Variants in COL27A1 observed in about 807,000 individuals in gnomAD.
COL27A1 encodes collagen type XXVII alpha 1 chain.
In COL27A1, 106 loss-of-function variants were observed where a neutral mutation model predicts 251.3. That is an observed-to-expected ratio of 0.42 (90% CI 0.36 to 0.50). COL27A1 has a LOEUF of 0.50. Ranked by LOEUF, COL27A1 falls within the 20% of genes least tolerant of loss-of-function variation. The pLI is 0.00. For missense variants in COL27A1, 2,325 were observed against 2,522.8 expected (o/e 0.92, Z 1.68); for synonymous variants, 1,000 against 986.3 (o/e 1.01, Z -0.26).
chr9:114,283,396 T>C (rs1237326397), intron 39 of COL27A1, among the ~76,000 whole-genome samples: 1 of 152,236 alleles, frequency 6.6e-6, no homozygotes, highest in Non-Finnish European at 1.5e-5. Context: ...ATAACATTAA[T>C]TTAACTGTAA....
chr9:114,194,341 G>C, intron 5 of COL27A1, 63 bp from the exon 6 acceptor site: 12 of 1,515,208 alleles, frequency 7.9e-6, no homozygotes, highest in Non-Finnish European at 1.1e-5. Flanking sequence ...AGCAGAGTTT[G>C]TGGGGAGGCA....
At position 114,311,272 on chromosome 9, in the gene COL27A1, C is replaced by G. The variant is rs533496892; in HGVS notation, c.*577C>G. 4 of 151,238 alleles carry G rather than the reference C, an allele frequency of 2.6e-5. No homozygotes were observed. Among genetic ancestry groups the G allele is most frequent in the Middle Eastern group, 3.4e-3 (1 of 294 alleles). The allele number at this position is 151,238 out of a possible 1,614,324, so 9.4% of individuals were successfully genotyped here. On this transcript the variant is annotated 3_prime_UTR_variant, in exon 61 of 61. Coordinates refer to ENST00000356083, the MANE Select transcript of COL27A1 (RefSeq NM_032888.4). ...GAGATCCTCGGGCTGGGGGTGCCCACGTTTGCTACCTCCCACTGTGAAATC... is the reference window on the plus strand; with the variant it reads ...GAGATCCTCGGGCTGGGGGTGCCCAGGTTTGCTACCTCCCACTGTGAAATC...
intron 3 of COL27A1, among the ~76,000 whole-genome samples, chr9:114,177,369 T>C (rs1827552854): frequency 6.6e-6 from 1 of 152,140 alleles, no homozygotes; most frequent in Non-Finnish European, 1.5e-5. Context: ...TGGGGAGCCC[T>C]TAAATGTTGT....
chr9:114,163,787 T>C (rs764276055), intron 2 of COL27A1, among the ~76,000 whole-genome samples: 16 of 151,666 alleles, frequency 1.1e-4, no homozygotes, highest in Non-Finnish European at 1.6e-4. Context: ...AATGTCATAT[T>C]TTCCAAGCTT....
At chr9:114,160,256 G>T (rs1000452116) in intron 1 of COL27A1, among the ~76,000 whole-genome samples, 1 of 151,460 alleles carries the variant, frequency 6.6e-6, no homozygotes, top group African/African-American at 2.4e-5. Flanking sequence ...CTGGGTTCAC[G>T]CCATTCTCCT....
At chr9:114,181,324 C>T (rs1442315372) in intron 4 of COL27A1, among the ~76,000 whole-genome samples, 1 of 152,134 alleles carries the variant, frequency 6.6e-6, no homozygotes, top group Non-Finnish European at 1.5e-5. Context: ...GAGAAACTCC[C>T]CAGGCTCAGT....
intron 7 of COL27A1, among the ~76,000 whole-genome samples, chr9:114,201,715 T>C (rs1030886529): frequency 6.6e-6 from 1 of 152,038 alleles, no homozygotes; most frequent in Non-Finnish European, 1.5e-5. Context: ...AACTAATGGT[T>C]TGGGGCTCTT....
rs191563677 is a variant in COL27A1, at chr9:114,223,012, C to T, written c.2466+745C>T. 3.7e-4 allele frequency among the ~76,000 whole-genome samples: 57 copies of T among 152,282 alleles called. 1 individual carries two copies. The highest frequency in any genetic ancestry group is 2.9e-3 in the Admixed American group (44 of 15,296). ...CCCAGGACTGAGAGAGGCCTATACA[C>T]GAGGAGGTGGGAGGCGATCTGACCT... On this transcript the variant is annotated intron_variant, in intron 14 of 60. Coordinates refer to ENST00000356083, the MANE Select transcript of COL27A1 (RefSeq NM_032888.4).
At position 114,309,414 on chromosome 9, in the gene COL27A1, G is replaced by A. The variant is rs760867480; in HGVS notation, c.5372G>A (p.Trp1791Ter). The change falls in exon 60 of 61, where the codon TGG becomes TAG. Residue 1791 changes from tryptophan to a stop codon, truncating the protein, a stop_gained. Coordinates refer to ENST00000356083, the MANE Select transcript of COL27A1 (RefSeq NM_032888.4). LOFTEE classifies it high-confidence loss of function. Reference protein sequence around the residue: ...PAKQAVRFRAWNGQIFEAGGQ... With the variant: ...PAKQAVRFRA ...AAGCAGGCCGTACGCTTCCGGGCCT[G>A]GAATGGACAGATTTTTGAAGCTGGG... The A allele has an allele frequency of 1.2e-6, 2 of 1,614,088 alleles. No individual in the cohort carries two copies. Among genetic ancestry groups the A allele is most frequent in the South Asian group, 1.1e-5 (1 of 91,082 alleles).
chr9:114,245,242 A>G (rs1588753104), intron 23 of COL27A1, among the ~76,000 whole-genome samples: 1 of 132,236 alleles, frequency 7.6e-6, no homozygotes, highest in South Asian at 2.3e-4. Context: ...TGCAACCTCC[A>G]CCTCCTGGGT....
intron 12 of COL27A1, among the ~76,000 whole-genome samples, chr9:114,216,432 T>TG (rs566771102): frequency 1.3e-4 from 20 of 152,240 alleles, no homozygotes; most frequent in Admixed American, 8.5e-4. Flanking sequence ...GGGGTTGAAG[T>TG]GGGGGCTATA....
At chr9:114,172,677 C>T (rs1271238595) in intron 3 of COL27A1, among the ~76,000 whole-genome samples, 2 of 152,090 alleles carry the variant, frequency 1.3e-5, no homozygotes, top group African/African-American at 2.4e-5. Flanking sequence ...GCCTGTAATC[C>T]CAGTTACTTG....
chr9:114,162,918 G>A (rs1848599617), intron 2 of COL27A1, 133 bp downstream of exon 2: 1 of 634,662 alleles, frequency 1.6e-6, no homozygotes, highest in Admixed American at 2.7e-5. Flanking sequence ...GAATGGAGAT[G>A]ATAATTGGCA....
chr9:114,232,363 C>T (rs1473340639), intron 16 of COL27A1, among the ~76,000 whole-genome samples: 1 of 152,208 alleles, frequency 6.6e-6, no homozygotes, highest in Admixed American at 6.5e-5. Flanking sequence ...ATCCTCTGTA[C>T]AGCCCTGCTG....
intron 56 of COL27A1, 137 bp from the exon 57 acceptor site, chr9:114,304,471 G>T: frequency 1.4e-6 from 1 of 724,318 alleles, no homozygotes. Context: ...TGCAAAGAGA[G>T]GAAGGACCGA....
At chr9:114,302,357 G>A (rs1018175860) in intron 56 of COL27A1, among the ~76,000 whole-genome samples, 6 of 152,202 alleles carry the variant, frequency 3.9e-5, no homozygotes, top group South Asian at 2.1e-4. Flanking sequence ...TCCAGCCACC[G>A]GGTTCATGGC....
At chr9:114,235,555 C>G in intron 16 of COL27A1, 44 bp from the exon 17 acceptor site, 2 of 1,526,866 alleles carry the variant, frequency 1.3e-6, no homozygotes, top group Non-Finnish European at 1.8e-6. Context: ...CTTCCAGAAC[C>G]CACGTGGCCT....
intron 39 of COL27A1, 76 bp from the exon 40 acceptor site, chr9:114,283,633 G>T: frequency 7.2e-7 from 1 of 1,389,802 alleles, no homozygotes; most frequent in Non-Finnish European, 1.0e-6. Context: ...AGCGGGGCTG[G>T]AGCCTGCAGG....
At chr9:114,259,528 G>A (rs545716700) in intron 28 of COL27A1, among the ~76,000 whole-genome samples, 1 of 151,328 alleles carries the variant, frequency 6.6e-6, no homozygotes, top group South Asian at 2.1e-4. Context: ...TAAACTAGGT[G>A]CTATGTGATT....
Sources: gnomAD v4.1 joint callset for allele counts (sites outside exome capture counted in the v4.1 genomes callset) on GRCh38, gnomAD v4.1.1 for gene constraint, MANE v1.5 for transcripts, NCBI Gene and HGNC (gene_info 2026-07-23, HGNC 2026-07-21) for gene names.